The following ESCO2 variants were observed in gnomAD, a reference collection of about 807,000 sequenced individuals.
ESCO2 encodes establishment of sister chromatid cohesion N-acetyltransferase 2, also known as N-acetyltransferase ESCO2.
A neutral mutation model predicts 61.7 loss-of-function variants in ESCO2; 51 were observed. That is an observed-to-expected ratio of 0.83 (90% CI 0.66 to 1.04). ESCO2 has a LOEUF of 1.04. Ranked by LOEUF, ESCO2 falls within the 50% of genes least tolerant of loss-of-function variation. ESCO2 has a pLI of 0.00. For synonymous variants in ESCO2, 230 were observed against 238.2 expected (o/e 0.97, Z 0.32); for missense variants, 692 against 686.2 (o/e 1.01, Z -0.09).
chr8:27,781,473 C>T (rs1804926031), intron 4 of ESCO2, among the ~76,000 whole-genome samples: 1 of 151,944 alleles, frequency 6.6e-6, no homozygotes. Context: ...CAGAGAGTAG[C>T]AGTGTATCTC....
intron 10 of ESCO2, among the ~76,000 whole-genome samples, chr8:27,802,963 G>T (rs1004584890): frequency 6.6e-6 from 1 of 151,468 alleles, no homozygotes; most frequent in Non-Finnish European, 1.5e-5. Context: ...GGATAGTCTC[G>T]ACCTCGTGAT....
chr8:27,776,609 C>G lies in ESCO2; in HGVS notation c.301C>G (p.Leu101Val). ...GTACCTCAATCCACTGGAGAGAAAG[C>G]TGATAAAAGAGAGTAGATCTACTTG... ...KWYLNPLERKLIKESRSTCLK... is the reference protein window; with the variant it reads ...KWYLNPLERKVIKESRSTCLK... Residue 101 changes from leucine (L) to valine (V), a missense_variant, in exon 3 of 11, where the codon CTG (leucine) becomes GTG (valine). Physicochemically the swap from Leu to Val is conservative, Grantham distance 32. Coordinates refer to ENST00000305188, the MANE Select transcript of ESCO2 (RefSeq NM_001017420.3). 1 of 1,614,072 alleles carries G rather than the reference C, an allele frequency of 6.2e-7. No homozygotes were observed. The highest frequency in any genetic ancestry group is 8.5e-7 in the Non-Finnish European group (1 of 1,180,018).
rs769839214 is a variant in ESCO2 at position 27,787,973 on chromosome 8, A to G, written c.1102A>G (p.Ser368Gly). Residue 368 changes from serine (S) to glycine (G), a missense_variant, in exon 6 of 11, where the codon AGT becomes GGT. By Grantham distance (56) the Ser-to-Gly change is moderately conservative. Coordinates refer to ENST00000305188, the MANE Select transcript of ESCO2 (RefSeq NM_001017420.3). ...IQKNTNTRDT[S>G]KKTKDQLIID... Reference sequence around the variant, plus strand: ...GAAAAATACTAATACCAGAGATACAAGTAAAAAAACAAAAGACCAGCTCAT... The same window carrying G: ...GAAAAATACTAATACCAGAGATACAGGTAAAAAAACAAAAGACCAGCTCAT... 1.9e-6 allele frequency: 3 copies of G among 1,613,334 alleles called. No individual in the cohort carries two copies. The highest frequency in any genetic ancestry group is 4.5e-5 in the East Asian group (2 of 44,828).
In ESCO2 at chr8:27,776,349, TTTC is replaced by T; in HGVS notation, c.54-10_54-8del. On this transcript the variant is annotated splice_polypyrimidine_tract_variant and intron_variant, in intron 2 of 10. Transcript: ENST00000305188. ...AAAATAATCTTATCAATGGACTTTG[TTTC>T]TTTTTATAGCCTTTTACACTTCACT... is the stretch of plus-strand genomic sequence containing the variant. The T allele has an allele frequency of 6.3e-7, 1 of 1,593,728 alleles. No individual in the cohort carries two copies. Among genetic ancestry groups the T allele is most frequent in the Middle Eastern group, 1.7e-4 (1 of 5,884 alleles).
At position 27,777,188 on chromosome 8, in the gene ESCO2, C is replaced by T. The variant is rs1563469318; in HGVS notation, c.861+19C>T. On this transcript the variant is annotated intron_variant, in intron 3 of 10. Coordinates refer to ENST00000305188, the MANE Select transcript of ESCO2 (RefSeq NM_001017420.3). Reference sequence around the variant, plus strand: ...AATAAAGGTAAAGCTAAATATATCACTTTAAAAATGGCTGTATAACAAAAC... The same window carrying T: ...AATAAAGGTAAAGCTAAATATATCATTTTAAAAATGGCTGTATAACAAAAC... 2 of 1,590,304 alleles carry T rather than the reference C, an allele frequency of 1.3e-6. No individual in the cohort carries two copies. The highest frequency in any genetic ancestry group is 1.7e-6 in the Non-Finnish European group (2 of 1,170,832).
At chr8:27,798,566 A>G (rs1291143212) in intron 9 of ESCO2, among the ~76,000 whole-genome samples, 1 of 152,220 alleles carries the variant, frequency 6.6e-6, no homozygotes, top group Non-Finnish European at 1.5e-5. Flanking sequence ...AAAAACCTGT[A>G]CAAGAATGTT....
chr8:27,782,802 C>T (rs1804954300), intron 4 of ESCO2, among the ~76,000 whole-genome samples: 1 of 151,760 alleles, frequency 6.6e-6, no homozygotes, highest in Non-Finnish European at 1.5e-5. Context: ...ATCTTTTTGT[C>T]TTTATCCTTA....
intron 10 of ESCO2, among the ~76,000 whole-genome samples, chr8:27,801,139 T>C (rs1371679149): frequency 1.3e-5 from 2 of 152,208 alleles, no homozygotes; most frequent in Admixed American, 6.5e-5. Flanking sequence ...TTAATTCCCA[T>C]GTACACACTT....
At chr8:27,784,143 T>C (rs1804985165) in intron 5 of ESCO2, 86 bp downstream of exon 5, 7 of 1,360,696 alleles carry the variant, frequency 5.1e-6, no homozygotes, top group South Asian at 1.2e-5. Flanking sequence ...GCTACTTAAT[T>C]TGGGGAGTTT....
At chr8:27,813,026 TG>T (rs1178580945), downstream of ESCO2, among the ~76,000 whole-genome samples, 1 of 152,366 alleles carries the variant, frequency 6.6e-6, no homozygotes, top group African/African-American at 2.4e-5. Flanking sequence ...TACACGTTTA[TG>T]TTTATTGTGG....
Position 27,803,549 on chromosome 8 carries a change from TACACACAC to T in ESCO2, c.*122_*129del, listed in dbSNP as rs56062620. 1.3e-5 allele frequency: 17 copies of T among 1,323,904 alleles called. No individual in the cohort carries two copies. The highest frequency in any genetic ancestry group is 1.1e-4 in the Admixed American group (4 of 37,488). The allele number at this position is 1,323,904 out of a possible 1,614,324, so 82.0% of individuals were successfully genotyped here. A position where few individuals can be genotyped will look rare whatever the true frequency, so the allele number is the denominator to read the frequency against. ...TAAAAAATACCGAGACTCACACTCA[TACACACAC>T]ACACACACACGCACACACACATATC... On this transcript the variant is annotated 3_prime_UTR_variant, in exon 11 of 11. Transcript: ENST00000305188.
At chr8:27,808,401 C>G, downstream of ESCO2, 1 of 218,672 alleles carries the variant, frequency 4.6e-6, no homozygotes, top group Non-Finnish European at 8.8e-6. Flanking sequence ...TAAAGGTAGT[C>G]CTGGGCACGG....
In ESCO2 at chr8:27,776,487, T is replaced by C. The variant is rs148224141; in HGVS notation, c.179T>C (p.Leu60Pro). 3.6e-5 allele frequency: 58 copies of C among 1,613,316 alleles called. No homozygotes were observed. The African/African-American group carries it at 7.1e-4, about 20-fold the overall frequency. The change falls in exon 3 of 11, where the codon CTC (leucine) becomes CCC (proline). Residue 60 changes from leucine to proline, a missense_variant. Transcript: ENST00000305188. ...CAAGAGCATTTTGTTTTAAGTGCGC[T>C]CAAAACAACTGAAATAAATAGACTG... ...SQQEHFVLSA[L>P]KTTEINRLPS...
At chr8:27,772,510 C>A, upstream of ESCO2, 1 of 1,550,092 alleles carries the variant, frequency 6.5e-7, no homozygotes, top group Non-Finnish European at 8.7e-7. Context: ...GGCGCCCACT[C>A]ACCGCTGCTG....
At position 27,791,012 on chromosome 8, in the gene ESCO2, G is replaced by A. The variant is rs569476084; in HGVS notation, c.1264-951G>A. On this transcript the variant is annotated intron_variant, in intron 7 of 10. Coordinates refer to ENST00000305188, the MANE Select transcript of ESCO2 (RefSeq NM_001017420.3). ...GCACATTTACTCTTTCAATTAAAAA[G>A]CCTATCACATTCCCCCCAAATGAAA... Among the ~76,000 whole-genome samples the A allele has an allele frequency of 3.3e-5, 5 of 152,154 alleles. No homozygotes were observed. The East Asian group carries it at 5.8e-4, about 18-fold the overall frequency.
intron 7 of ESCO2, among the ~76,000 whole-genome samples, chr8:27,790,523 AT>A (rs889368090): frequency 6.7e-6 from 1 of 148,772 alleles, no homozygotes; most frequent in Non-Finnish European, 1.5e-5. Flanking sequence ...CATTACTTGG[AT>A]TTTTTTAACC....
At chr8:27,811,060 T>C, downstream of ESCO2, 1 of 1,613,044 alleles carries the variant, frequency 6.2e-7, no homozygotes, top group East Asian at 2.2e-5. Context: ...TTGTCAGTAA[T>C]AACACCATTC....
At chr8:27,810,621 C>G, downstream of ESCO2, 1 of 629,774 alleles carries the variant, frequency 1.6e-6, no homozygotes, top group Non-Finnish European at 2.8e-6. Context: ...CATTCTGCCA[C>G]AGACAGAATG....
chr8:27,803,139 C>T (rs753592420), intron 10 of ESCO2, among the ~76,000 whole-genome samples, 167 bp from the exon 11 acceptor site: 4 of 152,086 alleles, frequency 2.6e-5, no homozygotes, highest in Non-Finnish European at 5.9e-5. Context: ...TTAGTTTTCC[C>T]ATCTGTGAAA....
Sources: allele counts gnomAD v4.1 joint callset (sites outside exome capture counted in the v4.1 genomes callset), GRCh38; gene constraint gnomAD v4.1.1; transcripts MANE v1.5; gene names NCBI Gene and HGNC (gene_info 2026-07-23, HGNC 2026-07-21).